The following MMP11 variants were observed in gnomAD, a reference collection of about 807,000 sequenced individuals.
MMP11 encodes stromelysin-3.
In MMP11, 26 loss-of-function variants were observed where a neutral mutation model predicts 49.5. The ratio of observed to expected loss-of-function variants is 0.52; its 90% CI spans 0.38 to 0.73. MMP11 has a LOEUF of 0.73. Among genes scored for constraint, MMP11 ranks in the 30% least tolerant of loss-of-function variants. MMP11 has a pLI of 0.00. For missense variants in MMP11, 624 were observed against 671.2 expected (o/e 0.93, Z 0.78); for synonymous variants, 265 against 282.3 (o/e 0.94, Z 0.62).
chr22:23,780,071 C>A lies in MMP11; in HGVS notation c.339-288C>A. On this transcript the variant is annotated intron_variant, in intron 2 of 7. Transcript: ENST00000215743. This position sits in a 1 kb window ranked among gnomAD's most constrained non-coding sequence, Gnocchi z 4.6. Reference sequence around the variant, plus strand: ...ACAGGGGCTCAAGGAACCAAGGTGTCCCCACAGTAAGTGGCACTGTCAGGT... The same window carrying A: ...ACAGGGGCTCAAGGAACCAAGGTGTACCCACAGTAAGTGGCACTGTCAGGT... 2.1e-6 allele frequency: 1 copy of A among 477,816 alleles called. No individual in the cohort carries two copies. The highest frequency in any genetic ancestry group is 3.8e-6 in the Non-Finnish European group (1 of 263,484). 29.6% of individuals were successfully genotyped at this position (477,816 alleles called of 1,614,324 possible).
chr22:23,775,885 C>G (rs761051409), intron 1 of MMP11, among the ~76,000 whole-genome samples: 9 of 152,230 alleles, frequency 5.9e-5, no homozygotes, highest in Non-Finnish European at 1.2e-4. Context: ...AGGTGCTTTT[C>G]TGTGCCAGAG....
At chr22:23,782,625 T>C (rs1927680329) in intron 7 of MMP11, 142 bp downstream of exon 7, 2 of 1,046,560 alleles carry the variant, frequency 1.9e-6, no homozygotes, top group Non-Finnish European at 1.3e-6. Flanking sequence ...TCTGCCCTCC[T>C]CTCGGTGGCC....
At chr22:23,781,751 G>C (rs1424937539) in intron 6 of MMP11, 34 of 619,988 alleles carry the variant, frequency 5.5e-5, no homozygotes, top group Non-Finnish European at 7.7e-5. Context: ...GCTGGGAAGA[G>C]GCAGGGCAGG....
At chr22:23,778,386 G>A (rs1001779561) in intron 1 of MMP11, among the ~76,000 whole-genome samples, 10 of 152,216 alleles carry the variant, frequency 6.6e-5, no homozygotes, top group African/African-American at 1.4e-4. Flanking sequence ...TGGGGCTTTG[G>A]CGAGTGGGGC....
At chr22:23,775,838 G>T (rs1927393202) in intron 1 of MMP11, among the ~76,000 whole-genome samples, 1 of 152,222 alleles carries the variant, frequency 6.6e-6, no homozygotes, top group African/African-American at 2.4e-5. Context: ...GCGTGGGAGG[G>T]GAGGGCCTAC....
intron 1 of MMP11, among the ~76,000 whole-genome samples, chr22:23,778,933 A>G (rs1191405760): frequency 6.6e-6 from 1 of 152,082 alleles, no homozygotes; most frequent in Non-Finnish European, 1.5e-5. Context: ...AAGTAGCTGG[A>G]GTAGGTGACA....
In MMP11 at chr22:23,781,093, C is replaced by T. The variant is rs767999803; in HGVS notation, c.851C>T (p.Pro284Leu). 2.2e-5 allele frequency: 36 copies of T among 1,607,566 alleles called. No homozygotes were observed. Among genetic ancestry groups the T allele is most frequent in the East Asian group, 2.0e-4 (9 of 44,866 alleles). Reference sequence around the variant, plus strand: ...GGGATAGACACCAATGAGATTGCACCGCTGGAGGTGAGGCCCTGCCTGCCA... The same window carrying T: ...GGGATAGACACCAATGAGATTGCACTGCTGGAGGTGAGGCCCTGCCTGCCA... ...QAGIDTNEIA[P>L]LEPDAPPDAC... is the part of the protein sequence containing the mutation. The change falls in exon 5 of 8, where the codon CCG becomes CTG. Residue 284 changes from proline (P) to leucine (L), a missense_variant. Pro to Leu is a moderately conservative substitution (Grantham distance 98). Coordinates refer to ENST00000215743, the MANE Select transcript of MMP11 (RefSeq NM_005940.5).
Position 23,772,954 on chromosome 22 carries a change from G to A in MMP11, c.84G>A (p.Pro28=). The A allele has an allele frequency of 8.2e-7, 1 of 1,214,198 alleles. No individual in the cohort carries two copies. The highest frequency in any genetic ancestry group is 1.0e-6 in the Non-Finnish European group (1 of 972,988). The allele number at this position is 1,214,198 out of a possible 1,614,324, so 75.2% of individuals were successfully genotyped here. Residue 28 remains proline, a synonymous_variant, in exon 1 of 8, where the codon CCG becomes CCA. Coordinates refer to ENST00000215743, the MANE Select transcript of MMP11 (RefSeq NM_005940.5). Reference sequence around the variant, plus strand: ...TGCTGCTGCTGCTCCAGCCGCCGCCGCTGCTGGCCCGGGCTCTGCCGCCGG... The same window carrying A: ...TGCTGCTGCTGCTCCAGCCGCCGCCACTGCTGGCCCGGGCTCTGCCGCCGG... The part of the protein sequence containing the change: ...PMLLLLLQPP[P]LLARALPPDA...
rs772670863 is a variant in MMP11, at chr22:23,782,386, C to T, written c.1236C>T (p.His412=). The T allele has an allele frequency of 1.9e-6, 3 of 1,613,972 alleles. No individual in the cohort carries two copies. The highest frequency in any genetic ancestry group is 2.2e-5 in the East Asian group (1 of 44,878). The part of the protein sequence containing the change: ...FFRGRDYWRF[H]PSTRRVDSPV... ...GAGGCAGGGACTACTGGCGTTTCCA[C>T]CCCAGCACCCGGCGTGTAGACAGTC... The change falls in exon 7 of 8, where the codon CAC becomes CAT. Residue 412 remains histidine (H), a synonymous_variant. Coordinates refer to ENST00000215743, the MANE Select transcript of MMP11 (RefSeq NM_005940.5).
In MMP11 at chr22:23,772,977, C is replaced by A; in HGVS notation, c.107C>A (p.Pro36Gln). The stretch of plus-strand genomic sequence containing the variant: ...CCGCTGCTGGCCCGGGCTCTGCCGC[C>A]GGTGAGTGCCCGCCACTCGCCGGCC... The part of the protein sequence containing the change: ...PPPLLARALP[P>Q]DAHHLHAERR... The change falls in exon 1 of 8, where the codon CCG becomes CAG. Residue 36 changes from proline to glutamine, a missense_variant and splice_region_variant. Coordinates refer to ENST00000215743, the MANE Select transcript of MMP11 (RefSeq NM_005940.5). 1.7e-6 allele frequency: 2 copies of A among 1,201,346 alleles called. No individual in the cohort carries two copies. The highest frequency in any genetic ancestry group is 3.2e-5 in the South Asian group (1 of 31,016). 74.4% of individuals were successfully genotyped at this position (1,201,346 alleles called of 1,614,324 possible).
intron 1 of MMP11, 127 bp from the exon 2 acceptor site, chr22:23,779,060 C>A: frequency 1.4e-6 from 1 of 737,312 alleles, no homozygotes; most frequent in Admixed American, 2.7e-5. Context: ...GTGCCCTTTC[C>A]CTCTCCATTT....
chr22:23,774,040 G>C (rs1927326030), intron 1 of MMP11, among the ~76,000 whole-genome samples: 1 of 152,194 alleles, frequency 6.6e-6, no homozygotes, highest in African/African-American at 2.4e-5. Flanking sequence ...CTCCTTCCCA[G>C]CCCCTCTTGG....
chr22:23,779,175 C>A lies in MMP11; in HGVS notation c.109-12C>A. ...AGGCCTGACCAGACCCTCATGTCATCCTCCTGCCTAGGACGCCCACCACCT... is the reference window on the plus strand; with the variant it reads ...AGGCCTGACCAGACCCTCATGTCATACTCCTGCCTAGGACGCCCACCACCT... On this transcript the variant is annotated splice_polypyrimidine_tract_variant and intron_variant, in intron 1 of 7. Transcript: ENST00000215743. 1 of 1,568,054 alleles carries A rather than the reference C, an allele frequency of 6.4e-7. No homozygotes were observed. The highest frequency in any genetic ancestry group is 8.6e-7 in the Non-Finnish European group (1 of 1,158,320).
chr22:23,782,044 T>G lies in MMP11; in HGVS notation c.1076-182T>G, dbSNP rs558691642. 32 of 877,548 alleles carry G rather than the reference T, an allele frequency of 3.6e-5. No individual in the cohort carries two copies. The East Asian group carries it at 7.6e-4, about 21-fold the overall frequency. 54.4% of individuals were successfully genotyped at this position (877,548 alleles called of 1,614,324 possible). ...TTTACAGAGCATTCACTGCCCCAGC[T>G]TATCCCAGGCCTCCCGCTTCCCTCT... On this transcript the variant is annotated intron_variant, in intron 6 of 7. Coordinates refer to ENST00000215743, the MANE Select transcript of MMP11 (RefSeq NM_005940.5).
chr22:23,774,502 G>A (rs1444767301), intron 1 of MMP11, among the ~76,000 whole-genome samples: 1 of 152,150 alleles, frequency 6.6e-6, no homozygotes, highest in Admixed American at 6.5e-5. Flanking sequence ...AGGGTTGATG[G>A]AAGCCCTGCA....
intron 1 of MMP11, among the ~76,000 whole-genome samples, chr22:23,777,349 C>T (rs192796078): frequency 5.3e-5 from 8 of 151,744 alleles, no homozygotes; most frequent in African/African-American, 1.9e-4. Flanking sequence ...AGGCGGATCA[C>T]AAGGTCAGGA....
Position 23,781,051 on chromosome 22 carries a change from C to T in MMP11, c.809C>T (p.Ala270Val), listed in dbSNP as rs1281412298. Residue 270 changes from alanine to valine, a missense_variant, in exon 5 of 8, where the codon GCC (alanine) becomes GTC (valine). Physicochemically the swap from Ala to Val is moderately conservative, Grantham distance 64. Transcript: ENST00000215743. ...PWPTVTSRTP[A>V]LGPQAGIDTN... is the part of the protein sequence containing the mutation. ...CCCACTGTCACCTCCAGGACCCCAG[C>T]CCTGGGCCCCCAGGCTGGGATAGAC... is the stretch of plus-strand genomic sequence containing the variant. 1.9e-6 allele frequency: 3 copies of T among 1,611,112 alleles called. No homozygotes were observed. The highest frequency in any genetic ancestry group is 2.5e-6 in the Non-Finnish European group (3 of 1,179,990).
Position 23,780,577 on chromosome 22 carries a change from T to C in MMP11, c.483-5T>C, listed in dbSNP as rs1569156793. ...GCCACTGACCCCGCCCCCACCCATC[T>C]GTAGGTACTGGCATGGGGACGACCT... On this transcript the variant is annotated splice_region_variant and splice_polypyrimidine_tract_variant and intron_variant, in intron 3 of 7. Transcript: ENST00000215743. The surrounding 1 kb of genome is among the most constrained non-coding windows in gnomAD (Gnocchi z 4.6). 6.2e-7 allele frequency: 1 copy of C among 1,608,050 alleles called. No individual in the cohort carries two copies.
In MMP11 at chr22:23,779,397, A is replaced by G. The variant is rs1927534714; in HGVS notation, c.319A>G (p.Lys107Glu). The change falls in exon 2 of 8, where the codon AAG (lysine) becomes GAG (glutamate). Residue 107 changes from lysine (K) to glutamate (E), a missense_variant. Physicochemically the swap from Lys to Glu is moderately conservative, Grantham distance 56. Transcript: ENST00000215743. ...CGTGCTTTCTGGCGGGCGCTGGGAG[A>G]AGACGGACCTCACCTACAGGTAGGG... ...RFVLSGGRWE[K>E]TDLTYRILRF... 6.2e-7 allele frequency: 1 copy of G among 1,611,974 alleles called. No individual in the cohort carries two copies.
Sources: allele counts gnomAD v4.1 joint callset (sites outside exome capture counted in the v4.1 genomes callset), GRCh38; gene constraint gnomAD v4.1.1; non-coding constraint Gnocchi (gnomAD v3.1); transcripts MANE v1.5; gene names NCBI Gene and HGNC (gene_info 2026-07-23, HGNC 2026-07-21).